The following F13A1 variants were observed in gnomAD, a reference collection of about 807,000 sequenced individuals.
The protein encoded by F13A1 is coagulation factor XIII A chain.
In F13A1, 47 loss-of-function variants were observed where a neutral mutation model predicts 80.1. That is an observed-to-expected ratio of 0.59 (90% confidence interval 0.46 to 0.75). The LOEUF (loss-of-function observed/expected upper bound fraction) is 0.75. Among genes scored for constraint, F13A1 ranks in the 30% least tolerant of loss-of-function variants. F13A1 has a pLI of 0.00. For missense variants in F13A1, 817 were observed against 930.4 expected, an observed-to-expected ratio of 0.88 and a Z score of 1.59; for synonymous variants, 349 against 344.9, an observed-to-expected ratio of 1.01 and a Z score of -0.13.
At chr6:6,272,150 T>G (rs1440355956) in intron 3 of F13A1, among the ~76,000 whole-genome samples, 5 of 152,236 alleles carry the variant, frequency 3.3e-5, no homozygotes, top group African/African-American at 1.2e-4. Context: ...CGCAAAGCCC[T>G]GCATTGGTAG....
intron 3 of F13A1, among the ~76,000 whole-genome samples, chr6:6,270,127 A>G (rs1180208908): frequency 1.3e-5 from 2 of 152,230 alleles, no homozygotes; most frequent in African/African-American, 4.8e-5. Context: ...GTTGTGACAG[A>G]GTCCCTATGG....
chr6:6,214,301 T>C (rs1298856534), intron 8 of F13A1, among the ~76,000 whole-genome samples: 10 of 151,824 alleles, frequency 6.6e-5, no homozygotes, highest in Non-Finnish European at 1.5e-4. Flanking sequence ...TCAGCAAATG[T>C]AAAAGAACAG....
In F13A1 at chr6:6,167,635, C is replaced by T. The variant is rs772486160; in HGVS notation, c.1748-17G>A. The T allele has an allele frequency of 1.2e-6, 2 of 1,612,452 alleles. No individual in the cohort carries two copies. Among genetic ancestry groups the T allele is most frequent in the Non-Finnish European group, 1.7e-6 (2 of 1,179,876 alleles). On this transcript the variant is annotated splice_polypyrimidine_tract_variant and intron_variant, in intron 12 of 14. Coordinates refer to ENST00000264870, the MANE Select transcript of F13A1 (RefSeq NM_000129.4). ...CTTTCTTGACTAGTAGGAGAAAACA[C>T]ACACAGGCCTGGCATCAAGACTTGA... is the stretch of plus-strand genomic sequence containing the variant.
At chr6:6,200,337 C>G (rs1023545472) in intron 8 of F13A1, among the ~76,000 whole-genome samples, 3 of 152,062 alleles carry the variant, frequency 2.0e-5, no homozygotes, top group African/African-American at 7.2e-5. Flanking sequence ...GAGGCCGAGG[C>G]AGGAGAACTG....
chr6:6,155,323 A>G (rs1467264841), intron 13 of F13A1, among the ~76,000 whole-genome samples: 2 of 152,056 alleles, frequency 1.3e-5, no homozygotes, highest in Non-Finnish European at 2.9e-5. Flanking sequence ...AGGACATTAA[A>G]CCTTCTCAGG....
At chr6:6,170,272 A>G (rs1760749481) in intron 12 of F13A1, among the ~76,000 whole-genome samples, 1 of 152,190 alleles carries the variant, frequency 6.6e-6, no homozygotes, top group Non-Finnish European at 1.5e-5. Flanking sequence ...GGCTAATGGG[A>G]TATGATTTCT....
chr6:6,220,165 T>A (rs769653244), intron 8 of F13A1, among the ~76,000 whole-genome samples: 1 of 152,128 alleles, frequency 6.6e-6, no homozygotes, highest in African/African-American at 2.4e-5. Context: ...AGTCAGAGCA[T>A]CTGATCAGGC....
intron 8 of F13A1, among the ~76,000 whole-genome samples, chr6:6,198,436 G>C (rs189023734): frequency 3.7e-4 from 56 of 152,310 alleles, no homozygotes; most frequent in African/African-American, 1.3e-3. Flanking sequence ...AGTTACAGCA[G>C]TCTTTGTTTA....
At chr6:6,249,704 A>C (rs1757604004) in intron 5 of F13A1, among the ~76,000 whole-genome samples, 1 of 152,170 alleles carries the variant, frequency 6.6e-6, no homozygotes, top group African/African-American at 2.4e-5. Context: ...TCACCAGGCT[A>C]AAGGCTAGAA....
At chr6:6,264,466 T>C (rs770247101) in intron 4 of F13A1, among the ~76,000 whole-genome samples, 8 of 152,236 alleles carry the variant, frequency 5.3e-5, no homozygotes, top group Non-Finnish European at 4.4e-5. Flanking sequence ...CTACATACTC[T>C]TCCATCTCAT....
chr6:6,160,946 T>C (rs1286197804), intron 13 of F13A1, among the ~76,000 whole-genome samples: 1 of 152,250 alleles, frequency 6.6e-6, no homozygotes, highest in East Asian at 1.9e-4. Flanking sequence ...TGTTTTCTCC[T>C]AGCAAAATTG....
At chr6:6,174,127 C>T (rs564685718) in intron 12 of F13A1, among the ~76,000 whole-genome samples, 8 of 152,252 alleles carry the variant, frequency 5.3e-5, no homozygotes, top group South Asian at 4.1e-4. Context: ...CGGTGGCTGA[C>T]GCCTATAATT....
At chr6:6,167,417 G>C in intron 13 of F13A1, 41 bp downstream of exon 13, 1 of 1,606,128 alleles carries the variant, frequency 6.2e-7, no homozygotes, top group South Asian at 1.1e-5. Context: ...CTAAGTCTGC[G>C]TGCCTTTGTC....
intron 12 of F13A1, among the ~76,000 whole-genome samples, chr6:6,170,684 T>C (rs1162308728): frequency 1.3e-5 from 2 of 152,194 alleles, no homozygotes; most frequent in East Asian, 1.9e-4. Context: ...GTTTAAGTTA[T>C]TCAGATCTCC....
chr6:6,264,182 G>C (rs1259217595), intron 4 of F13A1, among the ~76,000 whole-genome samples: 5 of 152,184 alleles, frequency 3.3e-5, no homozygotes, highest in Non-Finnish European at 7.3e-5. Context: ...AATATGTCAA[G>C]CAACTTAACT....
chr6:6,233,716 T>C (rs551564142), intron 6 of F13A1, among the ~76,000 whole-genome samples: 1 of 152,188 alleles, frequency 6.6e-6, no homozygotes, highest in Admixed American at 6.5e-5. Flanking sequence ...ACTAGCTAAC[T>C]GAATCCAACA....
At chr6:6,238,449 T>G (rs957617772) in intron 6 of F13A1, among the ~76,000 whole-genome samples, 4 of 152,086 alleles carry the variant, frequency 2.6e-5, no homozygotes, top group African/African-American at 7.2e-5. Context: ...GGGCAAATAG[T>G]GATTCATGTG....
At chr6:6,167,331 T>C (rs1760692424) in intron 13 of F13A1, 127 bp downstream of exon 13, 1 of 124,590 alleles carries the variant, frequency 8.0e-6, no homozygotes, top group Non-Finnish European at 1.3e-5. Context: ...TGGTATTTTT[T>C]TTTTTTTTTT....
intron 14 of F13A1, among the ~76,000 whole-genome samples, chr6:6,148,350 C>T (rs919632511): frequency 6.6e-6 from 1 of 152,128 alleles, no homozygotes; most frequent in African/African-American, 2.4e-5. Context: ...TTGTTCCTGG[C>T]TCCAATTCCC....
Sources: allele counts gnomAD v4.1 joint callset (sites outside exome capture counted in the v4.1 genomes callset), GRCh38; gene constraint gnomAD v4.1.1; transcripts MANE v1.5; gene names NCBI Gene and HGNC (gene_info 2026-07-23, HGNC 2026-07-21).